The following NQO1 variants were observed in gnomAD, a reference collection of about 807,000 sequenced individuals.
NQO1 encodes the protein NAD(P)H quinone dehydrogenase 1, also known as NAD(P)H dehydrogenase [quinone] 1.
NQO1 carries 30 observed loss-of-function variants against 32.1 expected under a neutral mutation model. The ratio of observed to expected loss-of-function variants is 0.94; its 90% CI spans 0.70 to 1.27. The LOEUF (loss-of-function observed/expected upper bound fraction) is 1.27, where lower values mean the gene tolerates loss of function less well. NQO1 is among the 50% of genes most tolerant of loss of function. The probability of loss-of-function intolerance (pLI) is 0.00; values close to 1 mark genes in which losing one functional copy is unlikely to be tolerated. For missense variants in NQO1, 276 were observed against 331.3 expected (o/e 0.83, Z 1.30); for synonymous variants, 109 against 119.7 (o/e 0.91, Z 0.59).
Position 69,709,730 on chromosome 16 carries a change from C to T in NQO1, c.*1246G>A. On this transcript the variant is annotated 3_prime_UTR_variant, in exon 6 of 6. Coordinates refer to ENST00000320623, the MANE Select transcript of NQO1 (RefSeq NM_000903.3). ...CATATTCTCCTTGAATTATATAATA[C>T]CAACAGTGGAATGAGATGACTTCCA... 1 of 398,376 alleles carries T rather than the reference C, an allele frequency of 2.5e-6. No individual in the cohort carries two copies. Among genetic ancestry groups the T allele is most frequent in the Non-Finnish European group, 4.4e-6 (1 of 226,014 alleles). 24.7% of individuals were successfully genotyped at this position (398,376 alleles called of 1,614,324 possible).
chr16:69,719,814 A>C (rs1306133634), intron 1 of NQO1, among the ~76,000 whole-genome samples: 2 of 151,412 alleles, frequency 1.3e-5, no homozygotes, highest in East Asian at 3.9e-4. Flanking sequence ...AAATATATAA[A>C]AAAGAATGAG....
chr16:69,713,278 A>G lies in NQO1; in HGVS notation c.418-149T>C, dbSNP rs1484350735. 9 of 638,434 alleles carry G rather than the reference A, an allele frequency of 1.4e-5. No homozygotes were observed. In the Admixed American group the frequency reaches 2.3e-4, roughly 16 times the overall value. 39.5% of individuals were successfully genotyped at this position (638,434 alleles called of 1,614,324 possible). A position where few individuals can be genotyped will look rare whatever the true frequency, so the allele number is the denominator to read the frequency against. On this transcript the variant is annotated intron_variant, in intron 4 of 5. Transcript: ENST00000320623. ...TCATACTTTGGCTCCCCTGAGCTACATAATATGACTCTGCAGGAGTGCCAG... is the reference window on the plus strand; with the variant it reads ...TCATACTTTGGCTCCCCTGAGCTACGTAATATGACTCTGCAGGAGTGCCAG...
chr16:69,716,900 G>A (rs962690595), intron 3 of NQO1, among the ~76,000 whole-genome samples: 2 of 152,156 alleles, frequency 1.3e-5, no homozygotes, highest in Non-Finnish European at 2.9e-5. Flanking sequence ...GCAGTGAGCA[G>A]AGATCATGCC....
At chr16:69,725,998 C>G (rs1162162086) in intron 1 of NQO1, among the ~76,000 whole-genome samples, 1 of 152,234 alleles carries the variant, frequency 6.6e-6, no homozygotes, top group East Asian at 1.9e-4. Flanking sequence ...GCCAGATATT[C>G]TCATTTTCTT....
rs1437432119 is a variant in NQO1, at chr16:69,725,082, G to A, written c.7+1351C>T. 2.0e-5 allele frequency among the ~76,000 whole-genome samples: 3 copies of A among 152,194 alleles called. No individual in the cohort carries two copies. The East Asian group carries it at 5.8e-4, about 29-fold the overall frequency. ...AAATACAAGGGAAACAGCAACCACC[G>A]TGTATGCGGCAAGCCTCTCAGCTGT... On this transcript the variant is annotated intron_variant, in intron 1 of 5. Coordinates refer to ENST00000320623, the MANE Select transcript of NQO1 (RefSeq NM_000903.3).
At chr16:69,721,665 G>A (rs2038192814) in intron 1 of NQO1, among the ~76,000 whole-genome samples, 2 of 151,960 alleles carry the variant, frequency 1.3e-5, no homozygotes, top group South Asian at 2.1e-4. Context: ...ACCCAAGTGT[G>A]TAGTCATTAA....
At chr16:69,716,186 AATAATAATC>A (rs1335547043) in intron 3 of NQO1, among the ~76,000 whole-genome samples, 1 of 119,276 alleles carries the variant, frequency 8.4e-6, no homozygotes, top group Non-Finnish European at 1.8e-5. Context: ...TAATAATAAT[AATAATAATC>A]ATCATCATCA....
Position 69,710,376 on chromosome 16 carries a change from AAAG to A in NQO1, c.*597_*599del, listed in dbSNP as rs138930126. The A allele has an allele frequency of 0.049, 7,489 of 152,242 alleles. 216 individuals are homozygous for A. Among genetic ancestry groups the A allele is most frequent in the South Asian group, 0.067 (322 of 4,808 alleles). 9.4% of individuals were successfully genotyped at this position (152,242 alleles called of 1,614,324 possible). ...TAAAAAAAAAGTAGATGACTGCAGC[AAAG>A]AAGAGATTTATTAGCTCTTCCTTTC... is the stretch of plus-strand genomic sequence containing the variant. On this transcript the variant is annotated 3_prime_UTR_variant, in exon 6 of 6. Transcript: ENST00000320623.
chr16:69,719,893 C>T (rs2038167006), intron 1 of NQO1, among the ~76,000 whole-genome samples: 1 of 152,010 alleles, frequency 6.6e-6, no homozygotes, highest in South Asian at 2.1e-4. Context: ...CGGCAAGATC[C>T]CTTGAGGCCA....
In NQO1 at chr16:69,718,458, C is replaced by T. The variant is rs751983464; in HGVS notation, c.84G>A (p.Ala28=). The change falls in exon 2 of 6, where the codon GCG becomes GCA. Residue 28 remains alanine (A), a synonymous_variant. Transcript: ENST00000320623. ...FNYAMKEAAA[A]ALKKKGWEVV... Reference sequence around the variant, plus strand: ...CCTCCCATCCTTTCTTCTTCAAAGCCGCTGCAGCAGCCTCCTTCATGGCAT... The same window carrying T: ...CCTCCCATCCTTTCTTCTTCAAAGCTGCTGCAGCAGCCTCCTTCATGGCAT... The T allele has an allele frequency of 1.9e-6, 3 of 1,614,130 alleles. No homozygotes were observed. Among genetic ancestry groups the T allele is most frequent in the Non-Finnish European group, 2.5e-6 (3 of 1,180,014 alleles).
chr16:69,726,220 G>A (rs1319722710), intron 1 of NQO1, among the ~76,000 whole-genome samples: 1 of 152,132 alleles, frequency 6.6e-6, no homozygotes, highest in Non-Finnish European at 1.5e-5. Flanking sequence ...AGAGTTCGTG[G>A]GGTGGAGTGA....
intron 3 of NQO1, among the ~76,000 whole-genome samples, chr16:69,716,674 T>C (rs1378165012): frequency 6.6e-6 from 1 of 151,604 alleles, no homozygotes; most frequent in Non-Finnish European, 1.5e-5. Flanking sequence ...GATTTAAAGA[T>C]ATGAAAGGCA....
chr16:69,717,488 ATT>A (rs2038129410), intron 3 of NQO1, among the ~76,000 whole-genome samples: 1 of 151,788 alleles, frequency 6.6e-6, no homozygotes, highest in African/African-American at 2.4e-5. Flanking sequence ...TAACCGCAGG[ATT>A]CGCTAACTGA....
chr16:69,723,179 TC>T (rs1390418905), intron 1 of NQO1, among the ~76,000 whole-genome samples: 2 of 152,190 alleles, frequency 1.3e-5, no homozygotes, highest in Non-Finnish European at 2.9e-5. Flanking sequence ...TGTCTCGGCC[TC>T]CCAAACTGCT....
Position 69,713,139 on chromosome 16 carries a change from A to G in NQO1, c.418-10T>C. 6.2e-7 allele frequency: 1 copy of G among 1,605,114 alleles called. No individual in the cohort carries two copies. Among genetic ancestry groups the G allele is most frequent in the Non-Finnish European group, 8.5e-7 (1 of 1,172,624 alleles). On this transcript the variant is annotated splice_polypyrimidine_tract_variant and intron_variant, in intron 4 of 5. Coordinates refer to ENST00000320623, the MANE Select transcript of NQO1 (RefSeq NM_000903.3). ...GCACTGCCTTCTTACTCTGCAAAAG[A>G]AAAAGCAATAACAAACTTCACTTCC...
chr16:69,724,504 T>G (rs1452335018), intron 1 of NQO1, among the ~76,000 whole-genome samples: 1 of 151,760 alleles, frequency 6.6e-6, no homozygotes, highest in African/African-American at 2.4e-5. Context: ...AAATTTTTTT[T>G]TTTTTTAATT....
chr16:69,711,300 C>T lies in NQO1; in HGVS notation c.520-19G>A. The stretch of plus-strand genomic sequence containing the variant: ...TGCCACTCTGAGGATACAGAAAGCA[C>T]AGAGAGGTAAGTCAACCAATTCCAT... On this transcript the variant is annotated intron_variant, in intron 5 of 5. Coordinates refer to ENST00000320623, the MANE Select transcript of NQO1 (RefSeq NM_000903.3). 1.9e-6 allele frequency: 3 copies of T among 1,595,016 alleles called. No homozygotes were observed. Among genetic ancestry groups the T allele is most frequent in the Non-Finnish European group, 2.6e-6 (3 of 1,168,106 alleles).
chr16:69,712,936 T>C (rs1211831266), intron 5 of NQO1, 92 bp downstream of exon 5: 11 of 1,040,872 alleles, frequency 1.1e-5, no homozygotes, highest in African/African-American at 1.6e-5. Context: ...GAGCTTGTAG[T>C]GAACTAAGAT....
chr16:69,718,416 G>A lies in NQO1; in HGVS notation c.126C>T (p.Leu42=). 12 of 1,614,198 alleles carry A rather than the reference G, an allele frequency of 7.4e-6. No individual in the cohort carries two copies. The highest frequency in any genetic ancestry group is 9.3e-6 in the Non-Finnish European group (11 of 1,180,034). Residue 42 remains leucine (L), a synonymous_variant, in exon 2 of 6, where the codon CTC becomes CTT. Coordinates refer to ENST00000320623, the MANE Select transcript of NQO1 (RefSeq NM_000903.3). The part of the protein sequence containing the change: ...KKGWEVVESD[L]YAMNFNPIIS... ...TGATGGGATTGAAGTTCATGGCATAGAGGTCCGACTCCACCACCTCCCATC... is the reference window on the plus strand; with the variant it reads ...TGATGGGATTGAAGTTCATGGCATAAAGGTCCGACTCCACCACCTCCCATC...
Sources: gnomAD v4.1 joint callset for allele counts (sites outside exome capture counted in the v4.1 genomes callset) on GRCh38, gnomAD v4.1.1 for gene constraint, MANE v1.5 for transcripts, NCBI Gene and HGNC (gene_info 2026-07-23, HGNC 2026-07-21) for gene names.